TOP2B: variants seen among roughly 807,000 people sequenced by gnomAD.
The protein encoded by TOP2B is DNA topoisomerase 2-beta.
TOP2B carries 51 observed loss-of-function variants against 193.5 expected under a neutral mutation model. The ratio of observed to expected loss-of-function variants is 0.26; its 90% CI spans 0.21 to 0.33. The LOEUF (loss-of-function observed/expected upper bound fraction) is 0.33. Among genes scored for constraint, TOP2B ranks in the 10% least tolerant of loss-of-function variants. TOP2B has a pLI of 1.00. For missense variants in TOP2B, 1,378 were observed against 1,909.3 expected (o/e 0.72, Z 5.19); for synonymous variants, 634 against 635.7 (o/e 1.00, Z 0.04).
At chr3:25,651,272 G>A (rs1703579577) in intron 1 of TOP2B, among the ~76,000 whole-genome samples, 1 of 152,012 alleles carries the variant, frequency 6.6e-6, no homozygotes, top group South Asian at 2.1e-4. Context: ...CAAAAACAAA[G>A]CAGGGGAGGG....
intron 1 of TOP2B, among the ~76,000 whole-genome samples, chr3:25,654,306 A>C (rs956479351): frequency 1.3e-5 from 2 of 152,206 alleles, no homozygotes; most frequent in South Asian, 4.1e-4. Context: ...CCAATCAAAA[A>C]AGGAAATTAT....
chr3:25,657,276 G>C (rs930460575), intron 1 of TOP2B, among the ~76,000 whole-genome samples: 10 of 152,128 alleles, frequency 6.6e-5, no homozygotes, highest in Non-Finnish European at 7.3e-5. Context: ...TGGGGTAAGG[G>C]GAGAGAGGGC....
Position 25,623,787 on chromosome 3 carries a change from C to T in TOP2B, c.2496-41G>A. 4 of 1,366,790 alleles carry T rather than the reference C, an allele frequency of 2.9e-6. No individual in the cohort carries two copies. In the South Asian group the frequency reaches 3.9e-5, roughly 13 times the overall value. 84.7% of individuals were successfully genotyped at this position (1,366,790 alleles called of 1,614,324 possible). A position where few individuals can be genotyped will look rare whatever the true frequency, so the allele number is the denominator to read the frequency against. On this transcript the variant is annotated intron_variant, in intron 20 of 35. Transcript: ENST00000264331. ...AGAAGCAAATGAAAAAATGTCATGG[C>T]TTTGGGAAAGAAAACTTTATACATA...
At chr3:25,617,309 A>C (rs1265385173) in intron 25 of TOP2B, among the ~76,000 whole-genome samples, 1 of 152,170 alleles carries the variant, frequency 6.6e-6, no homozygotes, top group African/African-American at 2.4e-5. Context: ...GGGTTCAATA[A>C]AACACATTAA....
chr3:25,619,184 T>C (rs1369602), intron 23 of TOP2B, among the ~76,000 whole-genome samples: 50,158 of 152,000 alleles, frequency 0.33, 8,900 homozygotes, highest in African/African-American at 0.46. Context: ...AAAACATACA[T>C]ATTCTATTGC....
In TOP2B at chr3:25,630,959, G is replaced by C. The variant is rs532881803; in HGVS notation, c.1267-20C>G. On this transcript the variant is annotated intron_variant, in intron 10 of 35. Transcript: ENST00000264331. ...AGAGGCCTAAAAATAAAAGAATAAT[G>C]GTATACAAACAAGCTGAAAATTCAT... 1.6e-5 allele frequency: 25 copies of C among 1,562,642 alleles called. No homozygotes were observed. The highest frequency in any genetic ancestry group is 1.6e-4 in the South Asian group (13 of 82,588).
At chr3:25,648,931 T>C (rs943452897) in intron 1 of TOP2B, among the ~76,000 whole-genome samples, 3 of 152,136 alleles carry the variant, frequency 2.0e-5, no homozygotes, top group Non-Finnish European at 2.9e-5. Context: ...TACAAAGAAT[T>C]CAAATTAACT....
intron 4 of TOP2B, among the ~76,000 whole-genome samples, chr3:25,641,536 GAAAA>G (rs111436270): frequency 1.3e-5 from 2 of 151,472 alleles, no homozygotes; most frequent in African/African-American, 4.8e-5. Flanking sequence ...AAAAAATGGA[GAAAA>G]AAATAAATAA....
rs778820434 is a variant in TOP2B at position 25,643,808 on chromosome 3, A to AT, written c.241-25dup. 13 of 1,558,188 alleles carry AT rather than the reference A, an allele frequency of 8.3e-6. No individual in the cohort carries two copies. In the Admixed American group the frequency reaches 1.0e-4, roughly 12 times the overall value. Reference sequence around the variant, plus strand: ...AACTGCATTGAAAAATTCAAAAAAAATTTTACTCAATAAATCCTTAATATC... The same window carrying AT: ...AACTGCATTGAAAAATTCAAAAAAAATTTTTACTCAATAAATCCTTAATATC... On this transcript the variant is annotated intron_variant, in intron 2 of 35. Coordinates refer to ENST00000264331, the MANE Select transcript of TOP2B (RefSeq NM_001330700.2).
rs527836081 is a variant in TOP2B at position 25,616,466 on chromosome 3, T to C, written c.3352-880A>G. Among the ~76,000 whole-genome samples, 4 of 148,616 alleles carry C rather than the reference T, an allele frequency of 2.7e-5. No individual in the cohort carries two copies. In the East Asian group the frequency reaches 7.8e-4, roughly 29 times the overall value. ...AAATTTGTAAGCAAAACAATGTATATACACAAAGTACAGTTTACGTGTACT... is the reference window on the plus strand; with the variant it reads ...AAATTTGTAAGCAAAACAATGTATACACACAAAGTACAGTTTACGTGTACT... On this transcript the variant is annotated intron_variant, in intron 25 of 35. Transcript: ENST00000264331.
intron 30 of TOP2B, among the ~76,000 whole-genome samples, chr3:25,607,747 A>T (rs924536192): frequency 6.6e-6 from 1 of 152,350 alleles, no homozygotes; most frequent in South Asian, 2.1e-4. Flanking sequence ...TTGCAATCAC[A>T]AACAACAAAT....
At chr3:25,651,508 A>ATT (rs1215511523) in intron 1 of TOP2B, among the ~76,000 whole-genome samples, 7 of 152,080 alleles carry the variant, frequency 4.6e-5, no homozygotes, top group African/African-American at 1.7e-4. Flanking sequence ...TGGACAAAAA[A>ATT]GCTATAAGAC....
intron 25 of TOP2B, 73 bp from the exon 26 acceptor site, chr3:25,615,659 T>C: frequency 8.2e-7 from 1 of 1,221,136 alleles, no homozygotes; most frequent in Non-Finnish European, 1.0e-6. Flanking sequence ...ATTGAATAAT[T>C]AGTTTAAAAT....
chr3:25,607,128 T>C (rs564104187), intron 31 of TOP2B, 43 bp downstream of exon 31: 1 of 1,595,912 alleles, frequency 6.3e-7, no homozygotes, highest in African/African-American at 1.3e-5. Flanking sequence ...GGCAAATGTT[T>C]ACAACAATTA....
chr3:25,651,830 AC>A (rs1703599259), intron 1 of TOP2B, among the ~76,000 whole-genome samples: 1 of 151,872 alleles, frequency 6.6e-6, no homozygotes, highest in South Asian at 2.1e-4. Context: ...GTGCCACTGT[AC>A]TTCAGCCTGG....
At chr3:25,645,537 G>T in intron 1 of TOP2B, 67 bp from the exon 2 acceptor site, 2 of 1,200,282 alleles carry the variant, frequency 1.7e-6, no homozygotes, top group South Asian at 2.0e-5. Flanking sequence ...ATGGACACAC[G>T]ACATGGGTTT....
At chr3:25,630,531 TGAA>T in intron 11 of TOP2B, 62 bp from the exon 12 acceptor site, 1 of 1,339,946 alleles carries the variant, frequency 7.5e-7, no homozygotes, top group Non-Finnish European at 1.0e-6. Flanking sequence ...ATGAGAAAAA[TGAA>T]GTCAGAAAAT....
intron 1 of TOP2B, among the ~76,000 whole-genome samples, chr3:25,646,240 C>A (rs1328203392): frequency 6.6e-6 from 1 of 152,166 alleles, no homozygotes; most frequent in Non-Finnish European, 1.5e-5. Context: ...AAATGACCTA[C>A]ACAAAATATT....
At position 25,636,468 on chromosome 3, in the gene TOP2B, T is replaced by C. The variant is rs1703109371; in HGVS notation, c.640-320A>G. Among the ~76,000 whole-genome samples, 3 of 151,982 alleles carry C rather than the reference T, an allele frequency of 2.0e-5. No homozygotes were observed. The South Asian group carries it at 6.2e-4, about 31-fold the overall frequency. On this transcript the variant is annotated intron_variant, in intron 6 of 35. Transcript: ENST00000264331. ...ATTACATATTATAAGTAATCTAGAG[T>C]TGATTTAAAGTACATGGGAGGATGT...
Sources: gnomAD v4.1 joint callset for allele counts (sites outside exome capture counted in the v4.1 genomes callset) on GRCh38, gnomAD v4.1.1 for gene constraint, MANE v1.5 for transcripts, NCBI Gene and HGNC (gene_info 2026-07-23, HGNC 2026-07-21) for gene names.